The following FRMD4A variants were observed in gnomAD, a reference collection of about 807,000 sequenced individuals.
FRMD4A encodes the protein FERM domain-containing protein 4A.
FRMD4A carries 29 observed loss-of-function variants against 129.1 expected under a neutral mutation model. The ratio of observed to expected loss-of-function variants is 0.22; its 90% CI spans 0.17 to 0.31. FRMD4A has a LOEUF of 0.31. Among genes scored for constraint, FRMD4A ranks in the 10% least tolerant of loss-of-function variants. The pLI is 1.00. For synonymous variants in FRMD4A, 634 were observed against 571.6 expected (o/e 1.11, Z -1.56); for missense variants, 1,272 against 1,375.8 (o/e 0.92, Z 1.19).
In FRMD4A at chr10:13,891,075, A is replaced by G. The variant is rs370948972; in HGVS notation, c.46-32163T>C. ...AATATAGAAGCACTGCATTTAGCCA[A>G]TTTTAAATGAGCACGTACTAAAGGG... On this transcript the variant is annotated intron_variant, in intron 2 of 24. Coordinates refer to ENST00000357447, the MANE Select transcript of FRMD4A (RefSeq NM_018027.5). 5.9e-5 allele frequency among the ~76,000 whole-genome samples: 9 copies of G among 152,164 alleles called. No homozygotes were observed. The South Asian group carries it at 1.5e-3, about 25-fold the overall frequency.
At chr10:13,802,122 G>C (rs2093269284) in intron 4 of FRMD4A, among the ~76,000 whole-genome samples, 1 of 151,960 alleles carries the variant, frequency 6.6e-6, no homozygotes, top group East Asian at 1.9e-4. Flanking sequence ...GGTTGCAGTA[G>C]GTCAAACTGT....
chr10:14,208,395 A>G (rs1468467427), intron 2 of FRMD4A, among the ~76,000 whole-genome samples: 1 of 152,034 alleles, frequency 6.6e-6, no homozygotes, highest in African/African-American at 2.4e-5. Context: ...AAATGTCATT[A>G]GCACACTCAC....
At chr10:13,692,238 T>G (rs2085779916) in intron 15 of FRMD4A, 1 of 142,056 alleles carries the variant, frequency 7.0e-6, no homozygotes, top group Non-Finnish European at 1.5e-5. Context: ...AACCTCTGCC[T>G]CCTGAGTTCA....
chr10:13,880,920 C>G (rs912553051), intron 2 of FRMD4A, among the ~76,000 whole-genome samples: 1 of 152,056 alleles, frequency 6.6e-6, no homozygotes, highest in East Asian at 1.9e-4. Context: ...TCTGCCCCTT[C>G]CTCTTCGAAT....
At chr10:13,706,932 C>T (rs2087517827) in intron 13 of FRMD4A, 105 bp downstream of exon 13, 2 of 682,160 alleles carry the variant, frequency 2.9e-6, no homozygotes, top group South Asian at 3.2e-5. Context: ...ACCCTCGCTC[C>T]CTGCTCCAAA....
chr10:14,197,678 G>C (rs966620941), intron 2 of FRMD4A, among the ~76,000 whole-genome samples: 1 of 152,156 alleles, frequency 6.6e-6, no homozygotes, highest in African/African-American at 2.4e-5. Context: ...CTCTAGTTAT[G>C]ACAAATCCAC....
intron 2 of FRMD4A, among the ~76,000 whole-genome samples, chr10:14,182,209 T>C (rs956983275): frequency 2.0e-5 from 3 of 152,204 alleles, no homozygotes; most frequent in Non-Finnish European, 4.4e-5. Flanking sequence ...CAGTTTCTGC[T>C]TCTAAGACTT....
chr10:14,182,589 T>C (rs1355738737), intron 2 of FRMD4A, among the ~76,000 whole-genome samples: 3 of 152,024 alleles, frequency 2.0e-5, no homozygotes, highest in Non-Finnish European at 1.5e-5. Flanking sequence ...CTATCCTTCA[T>C]GGTAGGGGTG....
chr10:13,951,594 C>A (rs1258620768), intron 2 of FRMD4A, among the ~76,000 whole-genome samples: 1 of 151,914 alleles, frequency 6.6e-6, no homozygotes, highest in East Asian at 1.9e-4. Flanking sequence ...TCAGGTATCA[C>A]AATCTAAAAT....
At chr10:14,221,855 A>C (rs1478935559) in intron 2 of FRMD4A, among the ~76,000 whole-genome samples, 5 of 152,042 alleles carry the variant, frequency 3.3e-5, no homozygotes, top group African/African-American at 1.2e-4. Context: ...ATGCGCCGCC[A>C]GTGATTTTGT....
intron 2 of FRMD4A, among the ~76,000 whole-genome samples, chr10:14,297,520 G>T (rs1375043080): frequency 6.6e-6 from 1 of 152,144 alleles, no homozygotes; most frequent in South Asian, 2.1e-4. Flanking sequence ...AACTTCATTT[G>T]TGAGGTGAAC....
At chr10:14,107,092 C>T (rs777930015) in intron 2 of FRMD4A, among the ~76,000 whole-genome samples, 6 of 152,102 alleles carry the variant, frequency 3.9e-5, no homozygotes, top group South Asian at 2.1e-4. Flanking sequence ...AGCAAATTAA[C>T]GCAGGAACAG....
At chr10:14,048,233 G>T (rs1361949026) in intron 2 of FRMD4A, among the ~76,000 whole-genome samples, 1 of 152,168 alleles carries the variant, frequency 6.6e-6, no homozygotes, top group Non-Finnish European at 1.5e-5. Context: ...GGTCCCCATG[G>T]ATAGTCAAGC....
At chr10:14,010,977 T>G (rs2095680251) in intron 2 of FRMD4A, among the ~76,000 whole-genome samples, 3 of 152,198 alleles carry the variant, frequency 2.0e-5, no homozygotes. Flanking sequence ...GCTACTTCCA[T>G]GGAGGAAATG....
At chr10:14,078,552 G>A (rs546581320) in intron 2 of FRMD4A, among the ~76,000 whole-genome samples, 41 of 152,314 alleles carry the variant, frequency 2.7e-4, no homozygotes, top group African/African-American at 9.9e-4. Context: ...GTAAGTTACT[G>A]AGCACCTACT....
At chr10:13,859,802 C>T (rs1346414432) in intron 2 of FRMD4A, among the ~76,000 whole-genome samples, 23 of 152,256 alleles carry the variant, frequency 1.5e-4, no homozygotes. Context: ...CGATATGAAC[C>T]CACAGGCAAA....
chr10:14,254,081 G>A (rs1844528764), intron 2 of FRMD4A, among the ~76,000 whole-genome samples: 1 of 152,066 alleles, frequency 6.6e-6, no homozygotes, highest in African/African-American at 2.4e-5. Flanking sequence ...CTATGTCTTT[G>A]CCCTTAAACT....
chr10:13,991,067 G>A (rs567742826), intron 2 of FRMD4A, among the ~76,000 whole-genome samples: 2 of 152,284 alleles, frequency 1.3e-5, no homozygotes, highest in Admixed American at 6.5e-5. Context: ...TGAAAGCCGC[G>A]GTTTTCCTAA....
At chr10:13,938,393 C>T (rs1005087795) in intron 2 of FRMD4A, among the ~76,000 whole-genome samples, 4 of 152,084 alleles carry the variant, frequency 2.6e-5, no homozygotes, top group Non-Finnish European at 4.4e-5. Flanking sequence ...AAGCGCACAC[C>T]AACATGCCTG....
Sources: gnomAD v4.1 joint callset for allele counts (sites outside exome capture counted in the v4.1 genomes callset) on GRCh38, gnomAD v4.1.1 for gene constraint, MANE v1.5 for transcripts, NCBI Gene and HGNC (gene_info 2026-07-23, HGNC 2026-07-21) for gene names.